The following ATP9A variants were observed in gnomAD, a reference collection of about 807,000 sequenced individuals.
ATP9A encodes the protein ATPase phospholipid transporting 9A, also known as probable phospholipid-transporting ATPase IIA.
In ATP9A, 52 loss-of-function variants were observed where a neutral mutation model predicts 144.1. The ratio of observed to expected loss-of-function variants is 0.36; its 90% CI spans 0.29 to 0.45. ATP9A has a LOEUF of 0.45. Among genes scored for constraint, ATP9A ranks in the 20% least tolerant of loss-of-function variants. The pLI, the probability that ATP9A is intolerant of heterozygous loss-of-function variation, is 1.00. For synonymous variants in ATP9A, 582 were observed against 557.4 expected, an observed-to-expected ratio of 1.04 and a Z score of -0.62; for missense variants, 947 against 1,392.7, an observed-to-expected ratio of 0.68 and a Z score of 5.09.
Position 51,656,919 on chromosome 20 carries a change from T to A in ATP9A, c.1506+19A>T. 6.2e-7 allele frequency: 1 copy of A among 1,609,322 alleles called. No individual in the cohort carries two copies. Among genetic ancestry groups the A allele is most frequent in the East Asian group, 2.2e-5 (1 of 44,756 alleles). ...CAAGCAGGGCCTCCCCATGCCTTGC[T>A]GCACCTGCCCAGGTTTACCTCATCG... On this transcript the variant is annotated intron_variant, in intron 14 of 27. Coordinates refer to ENST00000338821, the MANE Select transcript of ATP9A (RefSeq NM_006045.3).
chr20:51,620,902 C>G (rs539957940), intron 19 of ATP9A, among the ~76,000 whole-genome samples: 310 of 152,122 alleles, frequency 2.0e-3, no homozygotes, highest in Non-Finnish European at 3.1e-3. Flanking sequence ...AATCCCAGCA[C>G]TTTGGGAGGC....
chr20:51,705,852 G>T (rs1240832461), intron 4 of ATP9A, among the ~76,000 whole-genome samples: 4 of 152,156 alleles, frequency 2.6e-5, no homozygotes, highest in African/African-American at 9.7e-5. Context: ...ACTAAGTTTT[G>T]CTGGGTCTGC....
intron 1 of ATP9A, among the ~76,000 whole-genome samples, chr20:51,767,090 T>A (rs63740662): frequency 7.3e-6 from 1 of 136,730 alleles, no homozygotes; most frequent in Non-Finnish European, 1.6e-5. Context: ...TTTTTTTTTT[T>A]AATTCCACTG....
intron 1 of ATP9A, among the ~76,000 whole-genome samples, chr20:51,751,261 G>GT (rs201983884): frequency 0.21 from 24,740 of 115,522 alleles, 2,943 homozygotes; most frequent in East Asian, 0.37. Flanking sequence ...GGTTTTTTTT[G>GT]TTTTTTTTTT....
chr20:51,674,454 A>C, intron 10 of ATP9A, 141 bp from the exon 11 acceptor site: 2 of 747,068 alleles, frequency 2.7e-6, no homozygotes, highest in Non-Finnish European at 4.3e-6. Flanking sequence ...TCCCCTACAA[A>C]CACCTCTACC....
At position 51,642,410 on chromosome 20, in the gene ATP9A, C is replaced by T. The variant is rs929269122; in HGVS notation, c.1507-2906G>A. On this transcript the variant is annotated intron_variant, in intron 14 of 27. Transcript: ENST00000338821. ...TCTCAAGTGATCCACCTGCTTCAAC[C>T]TCCCTCCCAAAGTGCTGGGATTACA... Among the ~76,000 whole-genome samples, 3 of 152,224 alleles carry T rather than the reference C, an allele frequency of 2.0e-5. No individual in the cohort carries two copies. In the East Asian group the frequency reaches 5.8e-4, roughly 29 times the overall value.
chr20:51,625,300 G>A lies in ATP9A; in HGVS notation c.1908C>T (p.Ile636=), dbSNP rs762953435. 25 of 1,614,180 alleles carry A rather than the reference G, an allele frequency of 1.5e-5. No homozygotes were observed. Among genetic ancestry groups the A allele is most frequent in the Non-Finnish European group, 2.1e-5 (25 of 1,180,018 alleles). The change falls in exon 18 of 28, where the codon ATC becomes ATT. Residue 636 remains isoleucine (I), a synonymous_variant. Transcript: ENST00000338821. ...HDRSLKVATV[I]ESLEMEMELL... ...GTTCCATCTCCATCTCCAGGCTCTC[G>A]ATCACCGTGGCCACTTTGAGGGAGC... is the stretch of plus-strand genomic sequence containing the variant.
At chr20:51,655,074 T>G (rs2077381655) in intron 14 of ATP9A, among the ~76,000 whole-genome samples, 1 of 152,230 alleles carries the variant, frequency 6.6e-6, no homozygotes, top group African/African-American at 2.4e-5. Flanking sequence ...ATAAATATCA[T>G]TGCTAAAAAT....
At chr20:51,763,032 C>T (rs1462834340) in intron 1 of ATP9A, among the ~76,000 whole-genome samples, 1 of 151,702 alleles carries the variant, frequency 6.6e-6, no homozygotes, top group African/African-American at 2.4e-5. Flanking sequence ...AATTCTATTA[C>T]ACAATAAAAA....
In ATP9A at chr20:51,717,104, GGA is replaced by G. The variant is rs1568833769; in HGVS notation, c.328-4032_328-4031del. Among the ~76,000 whole-genome samples the G allele has an allele frequency of 2.9e-3, 444 of 150,708 alleles. 2 individuals are homozygous for G. Among genetic ancestry groups the G allele is most frequent in the African/African-American group, 9.9e-3 (405 of 40,948 alleles). ...GGAGAATCGCTTGAACCTGAAAGGC[GGA>G]AGTTACAGTGAGCTGAGATCTCACC... On this transcript the variant is annotated intron_variant, in intron 3 of 27. Coordinates refer to ENST00000338821, the MANE Select transcript of ATP9A (RefSeq NM_006045.3).
At chr20:51,610,879 T>C (rs571846529) in intron 23 of ATP9A, among the ~76,000 whole-genome samples, 22 of 152,282 alleles carry the variant, frequency 1.4e-4, no homozygotes, top group African/African-American at 5.1e-4. Flanking sequence ...TTTTTGCAAT[T>C]AGACAAAAGC....
intron 1 of ATP9A, among the ~76,000 whole-genome samples, chr20:51,763,577 T>A (rs1306934006): frequency 6.6e-6 from 1 of 152,162 alleles, no homozygotes; most frequent in Non-Finnish European, 1.5e-5. Context: ...CCTCCCAAAG[T>A]GCTGGGATTA....
In ATP9A at chr20:51,666,681, A is replaced by C. The variant is rs78525805; in HGVS notation, c.1293+3316T>G. Among the ~76,000 whole-genome samples the C allele has an allele frequency of 1.1e-3, 61 of 55,904 alleles. 1 individual carries two copies. Among genetic ancestry groups the C allele is most frequent in the East Asian group, 4.1e-3 (19 of 4,622 alleles). The allele number at this position is 55,904 out of a possible 152,430, so 36.7% of individuals were successfully genotyped here. A position where few individuals can be genotyped will look rare whatever the true frequency, so the allele number is the denominator to read the frequency against. On this transcript the variant is annotated intron_variant, in intron 13 of 27. Coordinates refer to ENST00000338821, the MANE Select transcript of ATP9A (RefSeq NM_006045.3). ...GGCAACAGAGTGAGACTGTGTCTTA[A>C]AAAAAAAAAAAAAAGAAAGAAAGAA...
At chr20:51,639,223 T>C (rs2426333) in intron 15 of ATP9A, 120 bp downstream of exon 15, 928,696 of 1,095,760 alleles carry the variant, frequency 0.85, 394,564 homozygotes, top group Non-Finnish European at 0.86. Flanking sequence ...TATATTCCCT[T>C]GTTAGTCTGG....
At chr20:51,718,814 C>CAAAAAAAAAAAAAAA (rs71192550) in intron 3 of ATP9A, among the ~76,000 whole-genome samples, 11 of 57,692 alleles carry the variant, frequency 1.9e-4, no homozygotes, top group South Asian at 6.9e-4. Context: ...GACTCCATCT[C>CAAAAAAAAAAAAAAA]AAAAAAAAAA....
At chr20:51,685,180 T>C (rs2077517864) in intron 9 of ATP9A, among the ~76,000 whole-genome samples, 1 of 152,120 alleles carries the variant, frequency 6.6e-6, no homozygotes, top group African/African-American at 2.4e-5. Context: ...TAGATACACA[T>C]GTAAGTTAAG....
chr20:51,656,792 G>T, intron 14 of ATP9A, 146 bp downstream of exon 14: 1 of 695,442 alleles, frequency 1.4e-6, no homozygotes, highest in Non-Finnish European at 2.4e-6. Flanking sequence ...TTTCTTTCTT[G>T]TATTTGAAAA....
In ATP9A at chr20:51,600,355, G is replaced by A. The variant is rs2077137040; in HGVS notation, c.*856C>T. 1 of 152,110 alleles carries A rather than the reference G, an allele frequency of 6.6e-6. No individual in the cohort carries two copies. Among genetic ancestry groups the A allele is most frequent in the South Asian group, 2.1e-4 (1 of 4,820 alleles). 9.4% of individuals were successfully genotyped at this position (152,110 alleles called of 1,614,324 possible). A position where few individuals can be genotyped will look rare whatever the true frequency, so the allele number is the denominator to read the frequency against. On this transcript the variant is annotated 3_prime_UTR_variant, in exon 28 of 28. Transcript: ENST00000338821. Reference sequence around the variant, plus strand: ...TTATCACACTGTCGACACATTTAGGGGCCATTCAGTGGCACGTTTCCTGCT... The same window carrying A: ...TTATCACACTGTCGACACATTTAGGAGCCATTCAGTGGCACGTTTCCTGCT...
chr20:51,728,648 A>G (rs1223755141), intron 2 of ATP9A, among the ~76,000 whole-genome samples: 1 of 145,908 alleles, frequency 6.9e-6, no homozygotes, highest in African/African-American at 2.6e-5. Flanking sequence ...AAAAAATTCA[A>G]ATTTCTGTTT....
Sources: gnomAD v4.1 joint callset for allele counts (sites outside exome capture counted in the v4.1 genomes callset) on GRCh38, gnomAD v4.1.1 for gene constraint, MANE v1.5 for transcripts, NCBI Gene and HGNC (gene_info 2026-07-23, HGNC 2026-07-21) for gene names.